Variants in AKNA observed in about 807,000 individuals in gnomAD.
AKNA encodes the protein AT-hook transcription factor, also known as microtubule organization protein AKNA.
In AKNA, 67 loss-of-function variants were observed where a neutral mutation model predicts 138.8. That is an observed-to-expected ratio of 0.48 (90% CI 0.40 to 0.59). The LOEUF (loss-of-function observed/expected upper bound fraction) is 0.59. Among genes scored for constraint, AKNA ranks in the 20% least tolerant of loss-of-function variants. AKNA has a pLI of 0.00. For missense variants in AKNA, 1,813 were observed against 1,880.4 expected, an observed-to-expected ratio of 0.96 and a Z score of 0.66; for synonymous variants, 737 against 754.4, an observed-to-expected ratio of 0.98 and a Z score of 0.38.
chr9:114,357,735 G>A (rs895203587), intron 12 of AKNA, among the ~76,000 whole-genome samples, 186 bp downstream of exon 12: 3 of 152,194 alleles, frequency 2.0e-5, no homozygotes, highest in African/African-American at 7.2e-5. Context: ...CTCCGGAAGA[G>A]GGACAGGTTT....
intron 1 of AKNA, 69 bp downstream of exon 1, chr9:114,387,789 CGG>C (rs1305376356): frequency 5.5e-6 from 2 of 364,010 alleles, no homozygotes; most frequent in African/African-American, 4.2e-5. Context: ...TGGACTGTCC[CGG>C]AGAGTCTGTG....
Position 114,377,049 on chromosome 9 carries a change from C to A in AKNA, c.758G>T (p.Ser253Ile), listed in dbSNP as rs567911856. ...TTCCATGGGGGTTGCCCGAGCAACA[C>A]TGCCTCCAGTTCTGCCATCTGGGCT... ...LLSPDGRTGGSVARATPMEFQ... is the reference protein window; with the variant it reads ...LLSPDGRTGGIVARATPMEFQ... The change falls in exon 3 of 22, where the codon AGT becomes ATT. Residue 253 changes from serine (S) to isoleucine (I), a missense_variant. By Grantham distance (142) the Ser-to-Ile change is moderately radical. Coordinates refer to ENST00000374088, the MANE Select transcript of AKNA (RefSeq NM_001317950.2). The A allele has an allele frequency of 1.2e-6, 2 of 1,614,188 alleles. No homozygotes were observed. The highest frequency in any genetic ancestry group is 1.3e-5 in the African/African-American group (1 of 75,056).
chr9:114,333,803 A>G (rs557912730), downstream of AKNA, among the ~76,000 whole-genome samples: 1 of 150,764 alleles, frequency 6.6e-6, no homozygotes, highest in South Asian at 2.1e-4. Context: ...ACCTTGAGGC[A>G]GAAGACCCTA....
In AKNA at chr9:114,368,518, C is replaced by A; in HGVS notation, c.1494G>T (p.Leu498Phe). ...TGMVPQGTKV[L>F]SFTIPQPRSA... ...AGCGGGGCTGTGGGATGGTGAAGGA[C>A]AAGACCTTGGTCCCCTGGGGCACCA... Residue 498 changes from leucine to phenylalanine, a missense_variant, in exon 5 of 22, where the codon TTG becomes TTT. Coordinates refer to ENST00000374088, the MANE Select transcript of AKNA (RefSeq NM_001317950.2). 7.3e-7 allele frequency: 1 copy of A among 1,377,522 alleles called. No homozygotes were observed. The highest frequency in any genetic ancestry group is 9.5e-7 in the Non-Finnish European group (1 of 1,057,396). The allele number at this position is 1,377,522 out of a possible 1,614,324, so 85.3% of individuals were successfully genotyped here.
At position 114,359,507 on chromosome 9, in the gene AKNA, AGC is replaced by A. The variant is rs10598072; in HGVS notation, c.2492+85_2492+86del. On this transcript the variant is annotated intron_variant, in intron 11 of 21. Transcript: ENST00000374088. ...CAGGTAAGCCATGTCTAAACTGTGAAGCGCTGTCTTATTCACTCTGACAGTGA... is the reference window on the plus strand; with the variant it reads ...CAGGTAAGCCATGTCTAAACTGTGAAGCTGTCTTATTCACTCTGACAGTGA... 26,457 of 1,605,214 alleles carry A rather than the reference AGC, an allele frequency of 0.016. 3,690 individuals carry two copies. In the African/African-American group the frequency reaches 0.31, roughly 19 times the overall value.
chr9:114,360,888 G>A (rs747274637), intron 9 of AKNA, among the ~76,000 whole-genome samples: 7 of 152,284 alleles, frequency 4.6e-5, no homozygotes, highest in East Asian at 3.9e-4. Flanking sequence ...CCCCTTTTGT[G>A]TAGGGCTCTT....
intron 4 of AKNA, 133 bp downstream of exon 4, chr9:114,373,960 A>G: frequency 2.2e-6 from 2 of 895,206 alleles, no homozygotes; most frequent in Non-Finnish European, 1.7e-6. Context: ...CTTGGGGTAG[A>G]AGAAAACTGG....
chr9:114,383,733 G>C (rs1354379131), intron 1 of AKNA, among the ~76,000 whole-genome samples: 1 of 152,198 alleles, frequency 6.6e-6, no homozygotes, highest in Non-Finnish European at 1.5e-5. Flanking sequence ...GTGTGGCTGA[G>C]AAAAGTCAGC....
intron 1 of AKNA, among the ~76,000 whole-genome samples, chr9:114,384,465 C>T (rs1418862528): frequency 6.6e-6 from 1 of 152,190 alleles, no homozygotes; most frequent in South Asian, 2.1e-4. Context: ...CAGTTTGAAC[C>T]ACACAGGTCT....
Position 114,346,661 on chromosome 9 carries a change from T to C in AKNA, c.3514+8A>G, listed in dbSNP as rs1312956331. 1 of 1,595,932 alleles carries C rather than the reference T, an allele frequency of 6.3e-7. No homozygotes were observed. The highest frequency in any genetic ancestry group is 8.5e-7 in the Non-Finnish European group (1 of 1,170,504). Reference sequence around the variant, plus strand: ...TCTGGAAATCAGCCTTTGCAGGTGGTCACTTACTCAGGGACAGTCGGAGCA... The same window carrying C: ...TCTGGAAATCAGCCTTTGCAGGTGGCCACTTACTCAGGGACAGTCGGAGCA... On this transcript the variant is annotated splice_region_variant and intron_variant, in intron 17 of 21. Coordinates refer to ENST00000374088, the MANE Select transcript of AKNA (RefSeq NM_001317950.2).
At position 114,359,719 on chromosome 9, in the gene AKNA, T is replaced by TTCC. The variant is rs768932685; in HGVS notation, c.2364_2366dup (p.Glu790dup). On this transcript the variant is annotated inframe_insertion, in exon 11 of 22. Transcript: ENST00000374088. Reference sequence around the variant, plus strand: ...CTTCCAGGGAGTCACCTCCCCCCTCTTCCTCCTCCTCCTCCTCTCCTTCTT... The same window carrying TTCC: ...CTTCCAGGGAGTCACCTCCCCCCTCTTCCTCCTCCTCCTCCTCCTCTCCTTCTT... 6.2e-6 allele frequency: 10 copies of TTCC among 1,608,694 alleles called. No individual in the cohort carries two copies. The highest frequency in any genetic ancestry group is 4.5e-5 in the East Asian group (2 of 44,870).
chr9:114,364,076 T>C (rs1183382120), intron 7 of AKNA, among the ~76,000 whole-genome samples: 1 of 151,970 alleles, frequency 6.6e-6, no homozygotes, highest in Non-Finnish European at 1.5e-5. Context: ...TGTAATTTTG[T>C]TTAAAGGCGA....
intron 3 of AKNA, 128 bp from the exon 4 acceptor site, chr9:114,374,295 G>T: frequency 1.1e-6 from 1 of 893,652 alleles, no homozygotes; most frequent in Non-Finnish European, 1.8e-6. Context: ...GCATTCAATG[G>T]TGGGATCCGA....
Position 114,381,229 on chromosome 9 carries a change from T to C in AKNA, c.105A>G (p.Arg35=). The C allele has an allele frequency of 6.2e-7, 1 of 1,614,160 alleles. No individual in the cohort carries two copies. The highest frequency in any genetic ancestry group is 8.5e-7 in the Non-Finnish European group (1 of 1,180,022). The part of the protein sequence containing the change: ...AWAEDKRDVD[R]SSSQSWEEER... Reference sequence around the variant, plus strand: ...CTTCTTCCCAGCTTTGTGAACTACTTCTATCCACATCCCTCTTGTCCTCGG... The same window carrying C: ...CTTCTTCCCAGCTTTGTGAACTACTCCTATCCACATCCCTCTTGTCCTCGG... Residue 35 remains arginine, a synonymous_variant, in exon 2 of 22, where the codon AGA becomes AGG. Coordinates refer to ENST00000374088, the MANE Select transcript of AKNA (RefSeq NM_001317950.2).
upstream of AKNA, among the ~76,000 whole-genome samples, chr9:114,398,258 G>T (rs979906207): frequency 6.6e-6 from 1 of 152,150 alleles, no homozygotes; most frequent in Non-Finnish European, 1.5e-5. The surrounding 1 kb of genome is among the most constrained non-coding windows in gnomAD (Gnocchi z 4.2). Flanking sequence ...GCGGTGATGC[G>T]TCTCCTTCCC....
Position 114,337,013 on chromosome 9 carries a change from G to GGGGGGGGGGGGGGGCCC in AKNA, c.*40_*41insGGGCCCCCCCCCCCCCC. 1 of 1,185,370 alleles carries GGGGGGGGGGGGGGGCCC rather than the reference G, an allele frequency of 8.4e-7. No homozygotes were observed. 73.4% of individuals were successfully genotyped at this position (1,185,370 alleles called of 1,614,324 possible). A position where few individuals can be genotyped will look rare whatever the true frequency, so the allele number is the denominator to read the frequency against. ...CCACTCCTGGCCTGGCAGGCCACCT[G>GGGGGGGGGGGGGGGCCC]CCCACCCACCCACCCATCTGCCTCT... On this transcript the variant is annotated 3_prime_UTR_variant, in exon 22 of 22. Coordinates refer to ENST00000374088, the MANE Select transcript of AKNA (RefSeq NM_001317950.2).
At chr9:114,370,787 G>A (rs1316544382) in intron 4 of AKNA, among the ~76,000 whole-genome samples, 1 of 152,172 alleles carries the variant, frequency 6.6e-6, no homozygotes. Context: ...TTTATGAATG[G>A]GGAGGGAGGG....
upstream of AKNA, among the ~76,000 whole-genome samples, chr9:114,396,482 C>T (rs958008578): frequency 6.6e-6 from 1 of 152,052 alleles, no homozygotes; most frequent in Non-Finnish European, 1.5e-5. Flanking sequence ...AAATCGAGAC[C>T]ATCCCGGCCA....
Position 114,337,013 on chromosome 9 carries a change from G to GGGGGGGGGC in AKNA, c.*40_*41insGCCCCCCCC. 8.4e-7 allele frequency: 1 copy of GGGGGGGGGC among 1,185,368 alleles called. No individual in the cohort carries two copies. Among genetic ancestry groups the GGGGGGGGGC allele is most frequent in the Non-Finnish European group, 1.1e-6 (1 of 921,702 alleles). The allele number at this position is 1,185,368 out of a possible 1,614,324, so 73.4% of individuals were successfully genotyped here. A position where few individuals can be genotyped will look rare whatever the true frequency, so the allele number is the denominator to read the frequency against. On this transcript the variant is annotated 3_prime_UTR_variant, in exon 22 of 22. Transcript: ENST00000374088. Reference sequence around the variant, plus strand: ...CCACTCCTGGCCTGGCAGGCCACCTGCCCACCCACCCACCCATCTGCCTCT... The same window carrying GGGGGGGGGC: ...CCACTCCTGGCCTGGCAGGCCACCTGGGGGGGGGCCCCACCCACCCACCCATCTGCCTCT...
Sources: gnomAD v4.1 joint callset for allele counts (sites outside exome capture counted in the v4.1 genomes callset) on GRCh38, gnomAD v4.1.1 for gene constraint, Gnocchi (gnomAD v3.1) non-coding constraint, MANE v1.5 for transcripts, NCBI Gene and HGNC (gene_info 2026-07-23, HGNC 2026-07-21) for gene names.